RABGAP1L: variants seen among roughly 807,000 people sequenced by gnomAD.
RABGAP1L encodes the protein RAB GTPase activating protein 1 like.
Under a neutral mutation model 137.7 loss-of-function variants are expected in RABGAP1L, and 63 were observed. The ratio of observed to expected loss-of-function variants is 0.46; its 90% CI spans 0.37 to 0.56. The LOEUF is 0.56. Ranked by LOEUF, RABGAP1L falls within the 20% of genes least tolerant of loss-of-function variation. The probability of loss-of-function intolerance (pLI) is 0.00; values close to 1 mark genes in which losing one functional copy is unlikely to be tolerated. For synonymous variants in RABGAP1L, 431 were observed against 433.7 expected (o/e 0.99, Z 0.08); for missense variants, 1,095 against 1,244.0 (o/e 0.88, Z 1.80).
At chr1:174,505,643 A>G (rs1661746043) in intron 13 of RABGAP1L, among the ~76,000 whole-genome samples, 1 of 152,170 alleles carries the variant, frequency 6.6e-6, no homozygotes, top group African/African-American at 2.4e-5. Context: ...GCAAAAAGAC[A>G]AAAGATAAGT....
intron 1 of RABGAP1L, among the ~76,000 whole-genome samples, chr1:174,208,993 G>T (rs1337701661): frequency 1.3e-5 from 2 of 152,168 alleles, no homozygotes; most frequent in Non-Finnish European, 2.9e-5. Flanking sequence ...GAAGATGGTT[G>T]TTGTCCACGG....
chr1:174,849,737 TA>T, intron 19 of RABGAP1L: 1 of 476,758 alleles, frequency 2.1e-6, no homozygotes. Flanking sequence ...CTTTCTGTTC[TA>T]AATGGTATTC....
intron 13 of RABGAP1L, among the ~76,000 whole-genome samples, chr1:174,479,358 G>C (rs949401643): frequency 6.6e-6 from 1 of 152,198 alleles, no homozygotes; most frequent in African/African-American, 2.4e-5. Flanking sequence ...AGAATCACTT[G>C]GGAGAATGTT....
In RABGAP1L at chr1:174,640,306, A is replaced by G. The variant is rs79653719; in HGVS notation, c.1824+2818A>G. Among the ~76,000 whole-genome samples, 105 of 152,240 alleles carry G rather than the reference A, an allele frequency of 6.9e-4. 3 individuals are homozygous for G. The East Asian group carries it at 0.019, about 28-fold the overall frequency. On this transcript the variant is annotated intron_variant, in intron 14 of 25. Coordinates refer to ENST00000681986, the MANE Select transcript of RABGAP1L (RefSeq NM_001366446.1). ...TCACAAATAGGATAGCATATCTATGAGTAATTTAGTATAGCATACTTATGA... is the reference window on the plus strand; with the variant it reads ...TCACAAATAGGATAGCATATCTATGGGTAATTTAGTATAGCATACTTATGA...
intron 1 of RABGAP1L, among the ~76,000 whole-genome samples, chr1:174,213,080 T>G (rs1192382997): frequency 1.3e-5 from 2 of 152,212 alleles, no homozygotes; most frequent in African/African-American, 4.8e-5. Context: ...TGGGACCTGA[T>G]GGCTTCACTG....
Position 174,824,897 on chromosome 1 carries a change from A to AT in RABGAP1L, c.2340+12938dup, listed in dbSNP as rs567651038. 2.4e-4 allele frequency among the ~76,000 whole-genome samples: 37 copies of AT among 152,322 alleles called. No homozygotes were observed. The South Asian group carries it at 7.7e-3, about 32-fold the overall frequency. On this transcript the variant is annotated intron_variant, in intron 19 of 25. Coordinates refer to ENST00000681986, the MANE Select transcript of RABGAP1L (RefSeq NM_001366446.1). The stretch of plus-strand genomic sequence containing the variant: ...GCGAAATATTTTAAATGTTGTTCAC[A>AT]TATCTCCAACTGTTGTTTGTCAAGC...
intron 13 of RABGAP1L, among the ~76,000 whole-genome samples, chr1:174,585,369 C>A (rs1264946697): frequency 6.6e-6 from 1 of 152,112 alleles, no homozygotes; most frequent in East Asian, 1.9e-4. Context: ...TTCCTGTCCA[C>A]CTGCTACCTC....
chr1:174,636,952 A>G (rs925268035), intron 13 of RABGAP1L, among the ~76,000 whole-genome samples: 7 of 152,228 alleles, frequency 4.6e-5, no homozygotes, highest in Admixed American at 1.3e-4. Flanking sequence ...TGTTCAGTAA[A>G]TTATGATATA....
chr1:174,176,397 G>A (rs929137717), intron 1 of RABGAP1L, among the ~76,000 whole-genome samples: 2 of 151,966 alleles, frequency 1.3e-5, no homozygotes, highest in Non-Finnish European at 2.9e-5. Flanking sequence ...TATAATATTG[G>A]CACATCTTAT....
intron 13 of RABGAP1L, among the ~76,000 whole-genome samples, chr1:174,498,185 AGAG>A (rs1241046111): frequency 1.3e-5 from 2 of 152,298 alleles, no homozygotes; most frequent in African/African-American, 4.8e-5. Context: ...ATAATTGAGA[AGAG>A]TATATTCAAC....
In RABGAP1L at chr1:174,917,846, T is replaced by C. The variant is rs190306412; in HGVS notation, c.2341-39611T>C. Among the ~76,000 whole-genome samples the C allele has an allele frequency of 6.6e-3, 999 of 151,538 alleles. 1 individual carries two copies. The highest frequency in any genetic ancestry group is 0.031 in the Middle Eastern group (9 of 290). On this transcript the variant is annotated intron_variant, in intron 19 of 25. Transcript: ENST00000681986. ...TATGCAGGAGGCTGAGGCAGGAGAA[T>C]TGCTGGAACCTGGGAGGCAGAGTTG...
chr1:174,515,021 T>A (rs1054024098), intron 13 of RABGAP1L, among the ~76,000 whole-genome samples: 3 of 152,142 alleles, frequency 2.0e-5, no homozygotes, highest in Admixed American at 2.0e-4. Flanking sequence ...TAATATAACA[T>A]TTTTCTGAAA....
intron 17 of RABGAP1L, among the ~76,000 whole-genome samples, chr1:174,736,199 C>T (rs1037543649): frequency 1.3e-5 from 2 of 152,204 alleles, no homozygotes; most frequent in African/African-American, 4.8e-5. Flanking sequence ...ACAAGTTAAC[C>T]ATTCCCAGTT....
At chr1:174,822,118 G>A (rs887393283) in intron 19 of RABGAP1L, among the ~76,000 whole-genome samples, 30 of 152,106 alleles carry the variant, frequency 2.0e-4, no homozygotes, top group African/African-American at 6.8e-4. Flanking sequence ...AAAATTAGCC[G>A]GGCATGGTGG....
At chr1:174,846,113 C>G (rs1312291183) in intron 19 of RABGAP1L, among the ~76,000 whole-genome samples, 1 of 151,806 alleles carries the variant, frequency 6.6e-6, no homozygotes, top group Non-Finnish European at 1.5e-5. Context: ...TGATTCTTCT[C>G]TCTTTTCTTC....
At chr1:174,322,774 A>G (rs558275919) in intron 11 of RABGAP1L, among the ~76,000 whole-genome samples, 22 of 152,294 alleles carry the variant, frequency 1.4e-4, no homozygotes, top group African/African-American at 5.1e-4. Context: ...GAATGGATAA[A>G]GAGAAGAGAT....
intron 19 of RABGAP1L, among the ~76,000 whole-genome samples, chr1:174,904,013 A>T (rs1658599617): frequency 6.6e-6 from 1 of 151,872 alleles, no homozygotes; most frequent in African/African-American, 2.4e-5. Flanking sequence ...GTGACATGGA[A>T]GCAAGCTGCC....
At chr1:174,784,641 G>A (rs950338252) in intron 18 of RABGAP1L, among the ~76,000 whole-genome samples, 4 of 152,156 alleles carry the variant, frequency 2.6e-5, no homozygotes, top group Non-Finnish European at 5.9e-5. Context: ...TGGCCTGAGG[G>A]GCATGTCAGG....
At chr1:174,326,363 A>C (rs1440653672) in intron 11 of RABGAP1L, among the ~76,000 whole-genome samples, 9 of 152,224 alleles carry the variant, frequency 5.9e-5, no homozygotes, top group Admixed American at 2.0e-4. Context: ...ATTGGGAATC[A>C]TATAAAAAAT....
Sources: gnomAD v4.1 joint callset for allele counts (sites outside exome capture counted in the v4.1 genomes callset) on GRCh38, gnomAD v4.1.1 for gene constraint, MANE v1.5 for transcripts, NCBI Gene and HGNC (gene_info 2026-07-23, HGNC 2026-07-21) for gene names.